Variants in GALNTL6 observed in about 807,000 individuals in gnomAD.
GALNTL6 encodes polypeptide N-acetylgalactosaminyltransferase like 6.
A neutral mutation model predicts 73.7 loss-of-function variants in GALNTL6; 46 were observed. That is an observed-to-expected ratio of 0.62 (90% confidence interval 0.49 to 0.80). The LOEUF (loss-of-function observed/expected upper bound fraction) is 0.80. Ranked by LOEUF, GALNTL6 falls within the 30% of genes least tolerant of loss-of-function variation. The pLI, the probability that GALNTL6 is intolerant of heterozygous loss-of-function variation, is 0.00. For synonymous variants in GALNTL6, 259 were observed against 263.7 expected (o/e 0.98, Z 0.17); for missense variants, 604 against 755.0 (o/e 0.80, Z 2.34).
chr4:172,156,586 T>G (rs1734298538), intron 2 of GALNTL6, among the ~76,000 whole-genome samples: 1 of 132,150 alleles, frequency 7.6e-6, no homozygotes, highest in Non-Finnish European at 1.6e-5. Context: ...ATATATATAG[T>G]ATATTGTACT....
In GALNTL6 at chr4:172,188,381, G is replaced by A. The variant is rs116438267; in HGVS notation, c.139-41275G>A. Among the ~76,000 whole-genome samples, 1,410 of 152,186 alleles carry A rather than the reference G, an allele frequency of 9.3e-3. 23 individuals carry two copies. The highest frequency in any genetic ancestry group is 0.031 in the African/African-American group (1,302 of 41,510). On this transcript the variant is annotated intron_variant, in intron 2 of 12. Transcript: ENST00000506823. The stretch of plus-strand genomic sequence containing the variant: ...GAAATTCCCACCATGAAAAGCTTCC[G>A]TACACATATTTGAGCATTTATTTGT...
chr4:172,599,324 A>G (rs767883039), intron 5 of GALNTL6, among the ~76,000 whole-genome samples: 93 of 152,138 alleles, frequency 6.1e-4, no homozygotes, highest in Non-Finnish European at 1.1e-3. Flanking sequence ...GTTATGTATA[A>G]CTGTTAAAAA....
intron 8 of GALNTL6, among the ~76,000 whole-genome samples, chr4:172,889,513 T>G (rs932934149): frequency 1.3e-5 from 2 of 152,156 alleles, no homozygotes; most frequent in African/African-American, 4.8e-5. Context: ...TTAAGATGAT[T>G]ATATGGGCTT....
At chr4:172,291,596 G>A (rs1739472928) in intron 3 of GALNTL6, among the ~76,000 whole-genome samples, 2 of 151,930 alleles carry the variant, frequency 1.3e-5, no homozygotes, top group Admixed American at 1.3e-4. Context: ...GGAATTTTAT[G>A]CCTAGAAATA....
intron 5 of GALNTL6, among the ~76,000 whole-genome samples, chr4:172,571,957 G>A (rs1196925310): frequency 2.6e-5 from 4 of 152,062 alleles, no homozygotes; most frequent in Admixed American, 6.5e-5. Context: ...GATCCTCCTT[G>A]AATGTGCTTT....
intron 7 of GALNTL6, among the ~76,000 whole-genome samples, chr4:172,833,648 C>A (rs1742757226): frequency 6.6e-6 from 1 of 152,192 alleles, no homozygotes; most frequent in Non-Finnish European, 1.5e-5. Flanking sequence ...GGTTATCATT[C>A]TCTCCTGAAG....
chr4:172,913,290 G>C (rs139214896), intron 8 of GALNTL6, among the ~76,000 whole-genome samples: 1,845 of 152,300 alleles, frequency 0.012, 20 homozygotes, highest in Non-Finnish European at 0.019. Flanking sequence ...GGAGAAACTA[G>C]AGCAGAAAAG....
chr4:171,871,598 G>A (rs924935342), intron 2 of GALNTL6, among the ~76,000 whole-genome samples: 1 of 152,050 alleles, frequency 6.6e-6, no homozygotes, highest in Non-Finnish European at 1.5e-5. Flanking sequence ...TTACTAAATA[G>A]GAAGAAGTTA....
At chr4:172,963,334 C>T (rs1037161014) in intron 10 of GALNTL6, among the ~76,000 whole-genome samples, 22 of 152,198 alleles carry the variant, frequency 1.4e-4, no homozygotes, top group African/African-American at 5.3e-4. Flanking sequence ...CACACATCCA[C>T]ATGCATACTT....
chr4:172,418,365 G>A (rs976305608), intron 5 of GALNTL6, among the ~76,000 whole-genome samples: 5 of 152,108 alleles, frequency 3.3e-5, no homozygotes, highest in African/African-American at 1.2e-4. Context: ...CTGACAGATG[G>A]AATGTTAGCA....
At chr4:171,939,416 A>C (rs1184975912) in intron 2 of GALNTL6, among the ~76,000 whole-genome samples, 1 of 152,034 alleles carries the variant, frequency 6.6e-6, no homozygotes, top group Non-Finnish European at 1.5e-5. Flanking sequence ...TGCTGTATAT[A>C]CTAGCAAAAT....
intron 5 of GALNTL6, among the ~76,000 whole-genome samples, chr4:172,764,447 T>C (rs1352177351): frequency 1.3e-5 from 2 of 152,014 alleles, no homozygotes; most frequent in African/African-American, 4.8e-5. Flanking sequence ...TAAAACTAGT[T>C]ATATATAATA....
At chr4:172,298,969 A>T (rs1739796586) in intron 3 of GALNTL6, among the ~76,000 whole-genome samples, 1 of 152,226 alleles carries the variant, frequency 6.6e-6, no homozygotes, top group Admixed American at 6.5e-5. Context: ...TATCTCTGGT[A>T]GAATTTGGCT....
chr4:171,980,717 T>C (rs993999600), intron 2 of GALNTL6, among the ~76,000 whole-genome samples: 5 of 152,174 alleles, frequency 3.3e-5, no homozygotes, highest in African/African-American at 9.7e-5. Flanking sequence ...AGCTCTGAAG[T>C]TGACATCTGC....
intron 2 of GALNTL6, among the ~76,000 whole-genome samples, chr4:172,102,469 A>G (rs1271995989): frequency 6.6e-6 from 1 of 152,182 alleles, no homozygotes; most frequent in Non-Finnish European, 1.5e-5. Context: ...TTCTAGCCAT[A>G]ACATTTTGTA....
At chr4:171,984,749 G>C (rs1053709858) in intron 2 of GALNTL6, among the ~76,000 whole-genome samples, 1 of 152,168 alleles carries the variant, frequency 6.6e-6, no homozygotes, top group Non-Finnish European at 1.5e-5. Flanking sequence ...CTAGCTCTTA[G>C]ATTAATGGGG....
intron 2 of GALNTL6, among the ~76,000 whole-genome samples, chr4:172,058,104 G>A (rs941697189): frequency 5.1e-5 from 4 of 78,280 alleles, no homozygotes; most frequent in Admixed American, 5.1e-4. Flanking sequence ...TGTCACCCAG[G>A]CTGAAGTGGT....
chr4:171,821,228 G>A (rs189371599), intron 2 of GALNTL6, among the ~76,000 whole-genome samples: 15 of 151,876 alleles, frequency 9.9e-5, no homozygotes, highest in African/African-American at 3.4e-4. Context: ...TTTTTGTAGC[G>A]ACAAGGTCTC....
chr4:172,743,101 T>A (rs1329032363), intron 5 of GALNTL6, among the ~76,000 whole-genome samples: 2 of 152,050 alleles, frequency 1.3e-5, no homozygotes, highest in African/African-American at 2.4e-5. Context: ...AGGAAAATAG[T>A]TATATGAAAA....
Sources: gnomAD v4.1 joint callset for allele counts (sites outside exome capture counted in the v4.1 genomes callset) on GRCh38, gnomAD v4.1.1 for gene constraint, MANE v1.5 for transcripts, NCBI Gene and HGNC (gene_info 2026-07-23, HGNC 2026-07-21) for gene names.